The following APCDD1 variants were observed in gnomAD, a reference collection of about 807,000 sequenced individuals.
The protein encoded by APCDD1 is protein APCDD1.
A neutral mutation model predicts 38.1 loss-of-function variants in APCDD1; 15 were observed. The observed-to-expected ratio is 0.39, with a 90% CI of 0.26 to 0.61. APCDD1 has a LOEUF of 0.61. APCDD1 is among the 20% of genes least tolerant of loss of function. APCDD1 has a pLI of 0.49. For missense variants in APCDD1, 647 were observed against 696.2 expected (o/e 0.93, Z 0.79); for synonymous variants, 261 against 279.7 (o/e 0.93, Z 0.67).
chr18:10,454,667 G>T lies in APCDD1; in HGVS notation c.-315G>T. 9.7e-7 allele frequency: 1 copy of T among 1,028,908 alleles called. No homozygotes were observed. The highest frequency in any genetic ancestry group is 1.2e-6 in the Non-Finnish European group (1 of 860,120). 63.7% of individuals were successfully genotyped at this position (1,028,908 alleles called of 1,614,324 possible). ...CGCTGCAGCTGCGGTGGCGGTGGCGGCCACTGCAGCTCAGAGCGGCGCACG... is the reference window on the plus strand; with the variant it reads ...CGCTGCAGCTGCGGTGGCGGTGGCGTCCACTGCAGCTCAGAGCGGCGCACG... On this transcript the variant is annotated 5_prime_UTR_variant, in exon 1 of 5. Coordinates refer to ENST00000355285, the MANE Select transcript of APCDD1 (RefSeq NM_153000.5).
At chr18:10,461,540 T>C (rs2030541002) in intron 1 of APCDD1, among the ~76,000 whole-genome samples, 1 of 152,240 alleles carries the variant, frequency 6.6e-6, no homozygotes, top group South Asian at 2.1e-4. Flanking sequence ...AGAGTGCCTC[T>C]GTACCTGTAT....
chr18:10,463,420 T>G (rs2030621785), intron 1 of APCDD1, among the ~76,000 whole-genome samples: 1 of 152,206 alleles, frequency 6.6e-6, no homozygotes, highest in Admixed American at 6.5e-5. Flanking sequence ...GGAATTGACT[T>G]ACTTCAGGCG....
At position 10,489,871 on chromosome 18, in the gene APCDD1, A is replaced by G. The variant is rs2031332436; in HGVS notation, c.*1833A>G. 1 of 152,170 alleles carries G rather than the reference A, an allele frequency of 6.6e-6. No individual in the cohort carries two copies. The highest frequency in any genetic ancestry group is 6.5e-5 in the Admixed American group (1 of 15,270). 9.4% of individuals were successfully genotyped at this position (152,170 alleles called of 1,614,324 possible). A position where few individuals can be genotyped will look rare whatever the true frequency, so the allele number is the denominator to read the frequency against. On this transcript the variant is annotated 3_prime_UTR_variant, in exon 5 of 5. Transcript: ENST00000355285. The stretch of plus-strand genomic sequence containing the variant: ...CTTAAATGGCCACCAAGTTCAATAA[A>G]CAAAGATGTCAAAATACTCTCAGAA...
rs763563825 is a variant in APCDD1 at position 10,454,660 on chromosome 18, G to A, written c.-322G>A. On this transcript the variant is annotated 5_prime_UTR_variant, in exon 1 of 5. Transcript: ENST00000355285. ...GAAGAGACGCTGCAGCTGCGGTGGC[G>A]GTGGCGGCCACTGCAGCTCAGAGCG... The A allele has an allele frequency of 7.7e-6, 8 of 1,034,666 alleles. No individual in the cohort carries two copies. The South Asian group carries it at 2.6e-4, about 34-fold the overall frequency. 64.1% of individuals were successfully genotyped at this position (1,034,666 alleles called of 1,614,324 possible).
rs772163651 is a variant in APCDD1, at chr18:10,485,497, C to G, written c.810C>G (p.Ile270Met). 3 of 1,614,166 alleles carry G rather than the reference C, an allele frequency of 1.9e-6. No individual in the cohort carries two copies. Among genetic ancestry groups the G allele is most frequent in the Non-Finnish European group, 2.5e-6 (3 of 1,180,032 alleles). The change falls in exon 4 of 5, where the codon ATC becomes ATG. Residue 270 changes from isoleucine (I) to methionine (M), a missense_variant. Ile to Met is a conservative substitution (Grantham distance 10). Coordinates refer to ENST00000355285, the MANE Select transcript of APCDD1 (RefSeq NM_153000.5). This position sits in a 1 kb window ranked among gnomAD's most constrained non-coding sequence, Gnocchi z 5.8. The part of the protein sequence containing the change: ...HDHACIACRI[I>M]YRSDEHHPPI... ...ATGCCTGCATCGCCTGTCGGATCAT[C>G]TATCGGTCAGACGAGCACCACCCTC...
In APCDD1 at chr18:10,476,447, T is replaced by C. The variant is rs948144694; in HGVS notation, c.774+4386T>C. 6.6e-6 allele frequency: 1 copy of C among 152,240 alleles called. No homozygotes were observed. The highest frequency in any genetic ancestry group is 1.5e-5 in the Non-Finnish European group (1 of 68,054). 9.4% of individuals were successfully genotyped at this position (152,240 alleles called of 1,614,324 possible). On this transcript the variant is annotated intron_variant, in intron 3 of 4. Transcript: ENST00000355285. The surrounding 1 kb of genome is among the most constrained non-coding windows in gnomAD (Gnocchi z 5.8). ...AGCGTAAAGTAACCCTGAAAGAAGATGCTTTGCCTGAATCAAGTTTAGCGT... is the reference window on the plus strand; with the variant it reads ...AGCGTAAAGTAACCCTGAAAGAAGACGCTTTGCCTGAATCAAGTTTAGCGT...
rs1476271734 is a variant in APCDD1, at chr18:10,470,606, G to A, written c.243-924G>A. Among the ~76,000 whole-genome samples the A allele has an allele frequency of 6.6e-6, 1 of 152,258 alleles. No homozygotes were observed. The highest frequency in any genetic ancestry group is 6.5e-5 in the Admixed American group (1 of 15,284). ...TGTTAGCATCATAGATGAGAGCAGA[G>A]TGGGAAGGCCAGAATTGATGAGCTG... is the stretch of plus-strand genomic sequence containing the variant. On this transcript the variant is annotated intron_variant, in intron 2 of 4. Transcript: ENST00000355285. This position sits in a 1 kb window ranked among gnomAD's most constrained non-coding sequence, Gnocchi z 4.1.
At chr18:10,478,972 C>G (rs2031072433) in intron 3 of APCDD1, among the ~76,000 whole-genome samples, 2 of 152,184 alleles carry the variant, frequency 1.3e-5, no homozygotes, top group Non-Finnish European at 2.9e-5. Flanking sequence ...CTTTACATGT[C>G]CAATGCCAGC....
chr18:10,481,476 C>A (rs1273415585), intron 3 of APCDD1, among the ~76,000 whole-genome samples: 1 of 151,936 alleles, frequency 6.6e-6, no homozygotes, highest in Non-Finnish European at 1.5e-5. Context: ...GATGAGGCAC[C>A]TAGAATAGTC....
At position 10,487,928 on chromosome 18, in the gene APCDD1, G is replaced by C. The variant is rs780560914; in HGVS notation, c.1435G>C (p.Asp479His). The C allele has an allele frequency of 3.1e-6, 5 of 1,613,452 alleles. No homozygotes were observed. The South Asian group carries it at 4.4e-5, about 14-fold the overall frequency. Reference sequence around the variant, plus strand: ...GCCGAGGGCAGAGGACCTCGCAGAAGACAGTGGAAGCAGCCTGTATGGCCG... The same window carrying C: ...GCCGAGGGCAGAGGACCTCGCAGAACACAGTGGAAGCAGCCTGTATGGCCG... ...SSPRAEDLAE[D>H]SGSSLYGRAP... Residue 479 changes from aspartate (D) to histidine (H), a missense_variant, in exon 5 of 5, where the codon GAC becomes CAC. Asp to His is a moderately conservative substitution (Grantham distance 81, BLOSUM62 -1). Transcript: ENST00000355285.
In APCDD1 at chr18:10,471,784, A is replaced by G. The variant is rs773772057; in HGVS notation, c.497A>G (p.Gln166Arg). The change falls in exon 3 of 5, where the codon CAG becomes CGG. Residue 166 changes from glutamine to arginine, a missense_variant. Coordinates refer to ENST00000355285, the MANE Select transcript of APCDD1 (RefSeq NM_153000.5). This position sits in a 1 kb window ranked among gnomAD's most constrained non-coding sequence, Gnocchi z 5.5. ...TEAVAEKLGQ[Q>R]VNRTCPGFLA... ...GCGGTGGCCGAGAAGCTCGGCCAGC[A>G]GGTGAACCGCACATGCCCGGGCTTC... is the stretch of plus-strand genomic sequence containing the variant. The G allele has an allele frequency of 6.2e-6, 10 of 1,613,258 alleles. No individual in the cohort carries two copies. The South Asian group carries it at 9.9e-5, about 16-fold the overall frequency.
At chr18:10,477,968 A>G (rs1027561873) in intron 3 of APCDD1, 3 of 152,090 alleles carry the variant, frequency 2.0e-5, no homozygotes, top group Non-Finnish European at 4.4e-5. Flanking sequence ...CTTTTTTATT[A>G]TTCTAATGTT....
rs1315084545 is a variant in APCDD1 at position 10,485,273 on chromosome 18, A to C, written c.775-189A>C. 6.6e-6 allele frequency among the ~76,000 whole-genome samples: 1 copy of C among 152,152 alleles called. No individual in the cohort carries two copies. The highest frequency in any genetic ancestry group is 6.5e-5 in the Admixed American group (1 of 15,276). On this transcript the variant is annotated intron_variant, in intron 3 of 4. Coordinates refer to ENST00000355285, the MANE Select transcript of APCDD1 (RefSeq NM_153000.5). The surrounding 1 kb of genome is among the most constrained non-coding windows in gnomAD (Gnocchi z 5.8). ...TTTGCATAGGTCTGTACTGTCAGGC[A>C]AACGTGTGCACTCACACATCACTCT...
At chr18:10,484,395 T>C (rs2031204480) in intron 3 of APCDD1, among the ~76,000 whole-genome samples, 2 of 152,268 alleles carry the variant, frequency 1.3e-5, no homozygotes, top group South Asian at 4.1e-4. Flanking sequence ...TTGTGTCTCC[T>C]AACTTTTTTT....
Position 10,471,452 on chromosome 18 carries a change from A to G in APCDD1, c.243-78A>G. 6.3e-7 allele frequency: 1 copy of G among 1,581,826 alleles called. No homozygotes were observed. The highest frequency in any genetic ancestry group is 8.7e-7 in the Non-Finnish European group (1 of 1,154,548). On this transcript the variant is annotated intron_variant, in intron 2 of 4. Transcript: ENST00000355285. The surrounding 1 kb of genome is among the most constrained non-coding windows in gnomAD (Gnocchi z 5.5). Reference sequence around the variant, plus strand: ...TCAGCACTTTATTATTATTTCTGTAATTTCTTAATACTATAATGAATCTCT... The same window carrying G: ...TCAGCACTTTATTATTATTTCTGTAGTTTCTTAATACTATAATGAATCTCT...
chr18:10,485,585 T>C lies in APCDD1; in HGVS notation c.898T>C (p.Cys300Arg). Residue 300 changes from cysteine (C) to arginine (R), a missense_variant, in exon 4 of 5, where the codon TGT becomes CGT. Physicochemically the swap from Cys to Arg is radical, Grantham distance 180 (BLOSUM62 -3). Transcript: ENST00000355285. This position sits in a 1 kb window ranked among gnomAD's most constrained non-coding sequence, Gnocchi z 5.8. ...GLHGEWVSQR[C>R]EVRPEVLFLT... The stretch of plus-strand genomic sequence containing the variant: ...GCACGGGGAGTGGGTGAGCCAGCGC[T>C]GTGAGGTGCGCCCCGAAGTCCTCTT... The C allele has an allele frequency of 1.2e-6, 2 of 1,614,068 alleles. 1 individual carries two copies. The highest frequency in any genetic ancestry group is 4.5e-5 in the East Asian group (2 of 44,870).
At chr18:10,458,560 A>G (rs542327784) in intron 1 of APCDD1, among the ~76,000 whole-genome samples, 17 of 152,332 alleles carry the variant, frequency 1.1e-4, no homozygotes, top group Admixed American at 2.0e-4. Context: ...GGTCTCAGAC[A>G]GATGTTAAAT....
rs2030794767 is a variant in APCDD1 at position 10,469,299 on chromosome 18, G to A, written c.242+647G>A. Among the ~76,000 whole-genome samples, 1 of 152,018 alleles carries A rather than the reference G, an allele frequency of 6.6e-6. No homozygotes were observed. Among genetic ancestry groups the A allele is most frequent in the Non-Finnish European group, 1.5e-5 (1 of 68,018 alleles). The stretch of plus-strand genomic sequence containing the variant: ...TCACTTCTCCCTGTGCGCTGTTCCC[G>A]GGATATGGATAGCAGCCTTCAAGTT... On this transcript the variant is annotated intron_variant, in intron 2 of 4. Coordinates refer to ENST00000355285, the MANE Select transcript of APCDD1 (RefSeq NM_153000.5). This position sits in a 1 kb window ranked among gnomAD's most constrained non-coding sequence, Gnocchi z 5.5.
intron 3 of APCDD1, among the ~76,000 whole-genome samples, chr18:10,481,857 C>T (rs2031147625): frequency 6.6e-6 from 1 of 152,108 alleles, no homozygotes; most frequent in Admixed American, 6.5e-5. Flanking sequence ...AAAAACCGTG[C>T]CTGGCCTGCT....
Sources: gnomAD v4.1 joint callset for allele counts (sites outside exome capture counted in the v4.1 genomes callset) on GRCh38, gnomAD v4.1.1 for gene constraint, Gnocchi (gnomAD v3.1) non-coding constraint, MANE v1.5 for transcripts, NCBI Gene and HGNC (gene_info 2026-07-23, HGNC 2026-07-21) for gene names.